The following CD163L1 variants were observed in gnomAD, a reference collection of about 807,000 sequenced individuals.
The protein encoded by CD163L1 is CD163 molecule like 1, also known as scavenger receptor cysteine-rich type 1 protein M160.
A neutral mutation model predicts 165.4 loss-of-function variants in CD163L1; 124 were observed. The ratio of observed to expected loss-of-function variants is 0.75; its 90% confidence interval spans 0.65 to 0.87. CD163L1 has a LOEUF of 0.87. Ranked by LOEUF, CD163L1 falls within the 40% of genes least tolerant of loss-of-function variation. CD163L1 has a pLI of 0.00. For synonymous variants in CD163L1, 585 were observed against 662.2 expected (o/e 0.88, Z 1.79); for missense variants, 1,525 against 1,799.9 (o/e 0.85, Z 2.76).
chr12:7,405,616 C>G (rs1035815365), intron 5 of CD163L1, among the ~76,000 whole-genome samples: 1 of 152,144 alleles, frequency 6.6e-6, no homozygotes, highest in South Asian at 2.1e-4. Flanking sequence ...CTATGTATAT[C>G]GTTCCCTGCG....
chr12:7,323,891 T>A, the CD163L1 span, among the ~76,000 whole-genome samples: 1 of 152,084 alleles, frequency 6.6e-6, no homozygotes, highest in African/African-American at 2.4e-5. Flanking sequence ...AAAATTTAAT[T>A]TCCAGCCAGG....
At chr12:7,443,103 T>A (rs1183076928) in intron 1 of CD163L1, among the ~76,000 whole-genome samples, 1 of 152,208 alleles carries the variant, frequency 6.6e-6, no homozygotes, top group Admixed American at 6.5e-5. Context: ...TGTAATTCAT[T>A]AAGATGAGCC....
intron 4 of CD163L1, among the ~76,000 whole-genome samples, chr12:7,428,112 T>A (rs1453982023): frequency 6.6e-6 from 1 of 152,058 alleles, no homozygotes; most frequent in South Asian, 2.1e-4. Flanking sequence ...AACTGAAAAA[T>A]CTGTAACTGA....
downstream of CD163L1, among the ~76,000 whole-genome samples, chr12:7,351,039 C>A (rs1946703494): frequency 6.6e-6 from 1 of 151,994 alleles, no homozygotes; most frequent in Non-Finnish European, 1.5e-5. Context: ...ATGACTTTTT[C>A]TTCTTATCCA....
Position 7,433,441 on chromosome 12 carries a change from T to C in CD163L1, c.378A>G (p.Glu126=), listed in dbSNP as rs201882703. The change falls in exon 3 of 20, where the codon GAA becomes GAG. Residue 126 remains glutamate, a synonymous_variant. Transcript: ENST00000313599. ...SCYGNESALW[E]CQHREWGSHN... is the part of the protein sequence containing the mutation. Reference sequence around the variant, plus strand: ...GGCTTCCCCATTCCCGGTGTTGACATTCCCAGAGAGCTGACTCATTTCCAT... The same window carrying C: ...GGCTTCCCCATTCCCGGTGTTGACACTCCCAGAGAGCTGACTCATTTCCAT... 5.0e-6 allele frequency: 8 copies of C among 1,613,544 alleles called. No individual in the cohort carries two copies. The highest frequency in any genetic ancestry group is 5.9e-6 in the Non-Finnish European group (7 of 1,179,734).
At chr12:7,322,829 C>T in the CD163L1 span, among the ~76,000 whole-genome samples, 1 of 152,150 alleles carries the variant, frequency 6.6e-6, no homozygotes, top group African/African-American at 2.4e-5. Flanking sequence ...TTCCACTGTG[C>T]TGGGAATAAT....
At chr12:7,349,076 T>G (rs1946690782) in intron 4 of CD163L1, among the ~76,000 whole-genome samples, 2 of 152,030 alleles carry the variant, frequency 1.3e-5, no homozygotes, top group Admixed American at 1.3e-4. Context: ...GATTCTGAGT[T>G]GAGAAATTGT....
At chr12:7,439,201 T>C (rs1041519018) in intron 2 of CD163L1, 45 of 1,581,596 alleles carry the variant, frequency 2.8e-5, no homozygotes, top group Non-Finnish European at 3.7e-5. Context: ...GTACACTTGA[T>C]TCAGATTCCA....
At chr12:7,337,479 C>A in the CD163L1 span, among the ~76,000 whole-genome samples, 1 of 151,894 alleles carries the variant, frequency 6.6e-6, no homozygotes, top group African/African-American at 2.4e-5. Flanking sequence ...ATGAGAGAAA[C>A]ACAAACAATC....
At chr12:7,361,573 G>T (rs937791089) in intron 18 of CD163L1, among the ~76,000 whole-genome samples, 1 of 152,094 alleles carries the variant, frequency 6.6e-6, no homozygotes, top group Non-Finnish European at 1.5e-5. Context: ...TAGGGCTAGG[G>T]TGAAGACAGC....
At chr12:7,383,534 G>T (rs1167929467) in intron 8 of CD163L1, among the ~76,000 whole-genome samples, 1 of 152,138 alleles carries the variant, frequency 6.6e-6, no homozygotes, top group Non-Finnish European at 1.5e-5. Context: ...TCACATTGGT[G>T]CTTGCATATG....
chr12:7,330,742 G>T, the CD163L1 span, among the ~76,000 whole-genome samples: 1 of 152,182 alleles, frequency 6.6e-6, no homozygotes, highest in African/African-American at 2.4e-5. Flanking sequence ...TTTGAGAGTT[G>T]TACCCTTCAT....
the CD163L1 span, chr12:7,323,580 T>C: frequency 1.3e-6 from 2 of 1,597,320 alleles, no homozygotes; most frequent in Non-Finnish European, 1.7e-6. Flanking sequence ...TAGAAAGTGC[T>C]GGTCATGCTT....
At chr12:7,414,317 A>G (rs190412390) in intron 4 of CD163L1, among the ~76,000 whole-genome samples, 1 of 152,288 alleles carries the variant, frequency 6.6e-6, no homozygotes, top group Admixed American at 6.5e-5. Flanking sequence ...AAAAAATACA[A>G]TGACACCTGA....
intron 18 of CD163L1, among the ~76,000 whole-genome samples, chr12:7,364,837 T>C (rs1173772121): frequency 6.6e-6 from 1 of 152,092 alleles, no homozygotes; most frequent in Non-Finnish European, 1.5e-5. Flanking sequence ...AAAGAATTAA[T>C]ATTGTTAAAT....
chr12:7,360,742 T>A (rs1946874206), intron 18 of CD163L1, among the ~76,000 whole-genome samples: 1 of 152,230 alleles, frequency 6.6e-6, no homozygotes, highest in Non-Finnish European at 1.5e-5. Context: ...GCTTTCATGC[T>A]GTTACAGTCT....
chr12:7,422,993 C>A (rs1948467885), intron 4 of CD163L1, among the ~76,000 whole-genome samples: 1 of 151,938 alleles, frequency 6.6e-6, no homozygotes, highest in Non-Finnish European at 1.5e-5. Context: ...TAGATATCTA[C>A]AAAACTCTCC....
chr12:7,419,633 G>C (rs1435714577), intron 4 of CD163L1, among the ~76,000 whole-genome samples: 1 of 151,988 alleles, frequency 6.6e-6, no homozygotes, highest in East Asian at 1.9e-4. Flanking sequence ...AAAGCTCCTA[G>C]AACTGATAAA....
At chr12:7,437,253 A>T (rs939620486) in intron 2 of CD163L1, among the ~76,000 whole-genome samples, 1 of 130,010 alleles carries the variant, frequency 7.7e-6, no homozygotes, top group African/African-American at 3.2e-5. Flanking sequence ...AATAGTATTT[A>T]AATAGTATTT....
Sources: allele counts gnomAD v4.1 joint callset (sites outside exome capture counted in the v4.1 genomes callset), GRCh38; gene constraint gnomAD v4.1.1; transcripts MANE v1.5; gene names NCBI Gene and HGNC (gene_info 2026-07-23, HGNC 2026-07-21).